INPP4B: variants seen among roughly 807,000 people sequenced by gnomAD.
The protein encoded by INPP4B is inositol polyphosphate-4-phosphatase type II B, also known as inositol polyphosphate 4-phosphatase type II.
A neutral mutation model predicts 122.5 loss-of-function variants in INPP4B; 55 were observed. The ratio of observed to expected loss-of-function variants is 0.45; its 90% CI spans 0.36 to 0.56. The LOEUF is 0.56. INPP4B is among the 20% of genes least tolerant of loss of function. INPP4B has a pLI of 0.00. For missense variants in INPP4B, 1,000 were observed against 1,097.7 expected (o/e 0.91, Z 1.26); for synonymous variants, 403 against 388.7 (o/e 1.04, Z -0.43).
At chr4:142,283,389 G>T (rs1752093173) in intron 9 of INPP4B, among the ~76,000 whole-genome samples, 1 of 152,092 alleles carries the variant, frequency 6.6e-6, no homozygotes, top group African/African-American at 2.4e-5. Flanking sequence ...TTAGAGTCAG[G>T]AGTTCAAGGA....
At chr4:142,098,127 G>A (rs1265025909) in intron 23 of INPP4B, among the ~76,000 whole-genome samples, 1 of 152,070 alleles carries the variant, frequency 6.6e-6, no homozygotes, top group African/African-American at 2.4e-5. Context: ...AGGTGAGTGA[G>A]TGACCTATAA....
chr4:142,149,309 T>C (rs1812510119), intron 17 of INPP4B, among the ~76,000 whole-genome samples: 1 of 152,216 alleles, frequency 6.6e-6, no homozygotes, highest in South Asian at 2.1e-4. Flanking sequence ...GGCTGGTGTT[T>C]ATATTCACTT....
intron 9 of INPP4B, among the ~76,000 whole-genome samples, chr4:142,295,112 A>G (rs548670384): frequency 2.0e-4 from 30 of 152,336 alleles, no homozygotes; most frequent in African/African-American, 7.2e-4. Context: ...CCTGAAACAA[A>G]CAAAAGGCAG....
intron 1 of INPP4B, among the ~76,000 whole-genome samples, chr4:142,776,329 A>G (rs1369152351): frequency 6.6e-6 from 1 of 152,150 alleles, no homozygotes; most frequent in African/African-American, 2.4e-5. Flanking sequence ...CAAGGATCTC[A>G]CTGAAATGAA....
intron 1 of INPP4B, among the ~76,000 whole-genome samples, chr4:142,826,527 C>A (rs1781485654): frequency 7.1e-6 from 1 of 141,752 alleles, no homozygotes; most frequent in African/African-American, 2.5e-5. Context: ...CAAATAAAAC[C>A]AAAGCTAACA....
chr4:142,241,019 T>C (rs1244677887), intron 11 of INPP4B, among the ~76,000 whole-genome samples: 6 of 152,156 alleles, frequency 3.9e-5, no homozygotes, highest in African/African-American at 7.2e-5. Flanking sequence ...GATTCTTCTC[T>C]ATAGCATACA....
rs1051928719 is a variant in INPP4B, at chr4:142,431,269, TCACA to T, written c.-14_-11del. ...CCTCTTTAATTTCCATGATCAACCT[TCACA>T]GTTTTAAAATTTTCCAAATTTTCTT... On this transcript the variant is annotated 5_prime_UTR_variant, in exon 4 of 26. Coordinates refer to ENST00000262992, the MANE Select transcript of INPP4B (RefSeq NM_001101669.3). 1.9e-6 allele frequency: 3 copies of T among 1,610,486 alleles called. No homozygotes were observed. In the African/African-American group the frequency reaches 4.0e-5, roughly 21 times the overall value.
chr4:142,283,736 G>T (rs1207802178), intron 9 of INPP4B, among the ~76,000 whole-genome samples: 1 of 152,086 alleles, frequency 6.6e-6, no homozygotes, highest in Non-Finnish European at 1.5e-5. Context: ...GTCTGTCATT[G>T]ACCAAAACAT....
At chr4:142,490,807 G>A (rs1034928001) in intron 2 of INPP4B, among the ~76,000 whole-genome samples, 2 of 152,084 alleles carry the variant, frequency 1.3e-5, no homozygotes, top group Non-Finnish European at 2.9e-5. Context: ...AAGAGATCAT[G>A]CATGCAATAT....
chr4:142,192,351 A>AG (rs1271148157), intron 15 of INPP4B, among the ~76,000 whole-genome samples: 2 of 146,132 alleles, frequency 1.4e-5, no homozygotes, highest in African/African-American at 2.5e-5. Context: ...AAAAAAAAAA[A>AG]AAATGGGATT....
intron 2 of INPP4B, among the ~76,000 whole-genome samples, chr4:142,472,462 G>T (rs1819019914): frequency 6.6e-6 from 1 of 152,094 alleles, no homozygotes; most frequent in African/African-American, 2.4e-5. Context: ...CAGACATTCT[G>T]TCTCTTGATT....
At chr4:142,692,297 TA>T (rs544597573) in intron 2 of INPP4B, among the ~76,000 whole-genome samples, 90 of 152,258 alleles carry the variant, frequency 5.9e-4, no homozygotes, top group African/African-American at 1.8e-3. Context: ...ATATTGAGGA[TA>T]AAAAAATAGA....
At chr4:142,155,639 A>C (rs1468570415) in intron 17 of INPP4B, among the ~76,000 whole-genome samples, 1 of 151,978 alleles carries the variant, frequency 6.6e-6, no homozygotes, top group East Asian at 1.9e-4. Context: ...CTGATTTTTC[A>C]CTCATGCAGA....
intron 1 of INPP4B, among the ~76,000 whole-genome samples, chr4:142,803,073 G>A (rs1244094061): frequency 6.6e-6 from 1 of 151,352 alleles, no homozygotes; most frequent in Non-Finnish European, 1.5e-5. Context: ...GGCGGGAGCT[G>A]AGGCAGGAGA....
chr4:142,333,781 A>G (rs924080339), intron 7 of INPP4B, among the ~76,000 whole-genome samples: 3 of 152,176 alleles, frequency 2.0e-5, no homozygotes, highest in Non-Finnish European at 2.9e-5. Flanking sequence ...ACTGTGCACA[A>G]CTTGAGGTTT....
intron 2 of INPP4B, among the ~76,000 whole-genome samples, chr4:142,622,936 A>T (rs889360415): frequency 7.2e-5 from 11 of 151,958 alleles, no homozygotes; most frequent in African/African-American, 2.7e-4. Context: ...TCAATCAATT[A>T]AAAAATTGTG....
rs1389992181 is a variant in INPP4B, at chr4:142,649,837, C to T, written c.-191+76002G>A. 2.0e-5 allele frequency among the ~76,000 whole-genome samples: 3 copies of T among 152,174 alleles called. No individual in the cohort carries two copies. The East Asian group carries it at 5.8e-4, about 29-fold the overall frequency. ...ACTTCCCCAACCTAGCAAAGCAGGC[C>T]AACATTCAAATTCAGAAAACACAGA... On this transcript the variant is annotated intron_variant, in intron 2 of 25. Coordinates refer to ENST00000262992, the MANE Select transcript of INPP4B (RefSeq NM_001101669.3).
In INPP4B at chr4:142,117,069, G is replaced by T. The variant is rs183979329; in HGVS notation, c.2136-4387C>A. 2.1e-3 allele frequency among the ~76,000 whole-genome samples: 327 copies of T among 152,176 alleles called. 3 individuals carry two copies. Among genetic ancestry groups the T allele is most frequent in the African/African-American group, 7.4e-3 (309 of 41,546 alleles). ...ATAAACTAGAAAATCTAGAAGAAAT[G>T]GATAAATTCCTGGACACATATACCC... On this transcript the variant is annotated intron_variant, in intron 21 of 25. Transcript: ENST00000262992.
intron 2 of INPP4B, among the ~76,000 whole-genome samples, chr4:142,603,962 G>T (rs372913570): frequency 6.6e-6 from 1 of 151,526 alleles, no homozygotes; most frequent in African/African-American, 2.4e-5. Context: ...CTGAACATAG[G>T]TGCAAAAAAT....
Sources: allele counts gnomAD v4.1 joint callset (sites outside exome capture counted in the v4.1 genomes callset), GRCh38; gene constraint gnomAD v4.1.1; transcripts MANE v1.5; gene names NCBI Gene and HGNC (gene_info 2026-07-23, HGNC 2026-07-21).